Variants in GMIP observed in about 807,000 individuals in gnomAD.
GMIP encodes the protein GEM-interacting protein.
Under a neutral mutation model 105.3 loss-of-function variants are expected in GMIP, and 54 were observed. The observed-to-expected ratio is 0.51, with a 90% CI of 0.41 to 0.64. The LOEUF (loss-of-function observed/expected upper bound fraction) is 0.64, where lower values mean the gene tolerates loss of function less well. Among genes scored for constraint, GMIP ranks in the 30% least tolerant of loss-of-function variants. GMIP has a pLI of 0.00. For synonymous variants in GMIP, 541 were observed against 560.8 expected, an observed-to-expected ratio of 0.96 and a Z score of 0.50; for missense variants, 1,110 against 1,319.4, an observed-to-expected ratio of 0.84 and a Z score of 2.46.
At position 19,637,896 on chromosome 19, in the gene GMIP, G is replaced by T; in HGVS notation, c.927+24C>A. ...CGGGGCCCCAACGGGGTGAGGGGAG[G>T]ATGGCCTTGGGGATGGGCCTCACCC... On this transcript the variant is annotated intron_variant, in intron 10 of 20. Coordinates refer to ENST00000203556, the MANE Select transcript of GMIP (RefSeq NM_016573.4). This position sits in a 1 kb window ranked among gnomAD's most constrained non-coding sequence, Gnocchi z 6.7. The T allele has an allele frequency of 6.3e-7, 1 of 1,580,730 alleles. No individual in the cohort carries two copies. The highest frequency in any genetic ancestry group is 1.3e-5 in the African/African-American group (1 of 74,196).
Position 19,640,536 on chromosome 19 carries a change from C to A in GMIP, c.274G>T (p.Gly92Trp), listed in dbSNP as rs756172978. 6.2e-7 allele frequency: 1 copy of A among 1,613,990 alleles called. No homozygotes were observed. Among genetic ancestry groups the A allele is most frequent in the East Asian group, 2.2e-5 (1 of 44,854 alleles). The change falls in exon 5 of 21, where the codon GGG becomes TGG. Residue 92 changes from glycine (G) to tryptophan (W), a missense_variant. Physicochemically the swap from Gly to Trp is radical, Grantham distance 184. Around this residue, in one of 3 missense-constraint regions of GMIP, gnomAD observed 667 missense variants for 773.2 expected, o/e 0.86. Coordinates refer to ENST00000203556, the MANE Select transcript of GMIP (RefSeq NM_016573.4). ...TATTCCAGGGCTGCGTCCACACCCC[C>A]CTTTGTCCGAATGAGCCGCAAGTCC... ...ELDLRLIRTKGGVDAALEYAK... is the reference protein window; with the variant it reads ...ELDLRLIRTKWGVDAALEYAK...
chr19:19,642,708 A>T lies in GMIP; in HGVS notation c.20-89T>A, dbSNP rs562950400. 6 of 601,292 alleles carry T rather than the reference A, an allele frequency of 1.0e-5. No homozygotes were observed. The East Asian group carries it at 1.7e-4, about 17-fold the overall frequency. The allele number at this position is 601,292 out of a possible 1,614,324, so 37.2% of individuals were successfully genotyped here. A position where few individuals can be genotyped will look rare whatever the true frequency, so the allele number is the denominator to read the frequency against. ...CAGTCTCATTTGGAGGGGGTGGAAG[A>T]GAAAGGGAAGAGTGAGAGAGAGAAA... On this transcript the variant is annotated intron_variant, in intron 1 of 20. Coordinates refer to ENST00000203556, the MANE Select transcript of GMIP (RefSeq NM_016573.4).
Position 19,634,712 on chromosome 19 carries a change from G to A in GMIP, c.1888-9C>T, listed in dbSNP as rs1181234615. 1 of 1,608,448 alleles carries A rather than the reference G, an allele frequency of 6.2e-7. No individual in the cohort carries two copies. The highest frequency in any genetic ancestry group is 1.1e-5 in the South Asian group (1 of 90,874). On this transcript the variant is annotated splice_polypyrimidine_tract_variant and intron_variant, in intron 17 of 20. Coordinates refer to ENST00000203556, the MANE Select transcript of GMIP (RefSeq NM_016573.4). The surrounding 1 kb of genome is among the most constrained non-coding windows in gnomAD (Gnocchi z 6.1). ...ATCACGGGCTCGGTGAGCTGGGGGT[G>A]GAACGGAGGGCGCAACACGAGTGTG...
At chr19:19,631,016 C>T (rs2061789864) in intron 19 of GMIP, among the ~76,000 whole-genome samples, 1 of 151,810 alleles carries the variant, frequency 6.6e-6, no homozygotes, top group Admixed American at 6.6e-5. Context: ...GCCTGGCCAA[C>T]ATGGTGAAAC....
rs1196256004 is a variant in GMIP, at chr19:19,637,128, T to C, written c.1125-99A>G. On this transcript the variant is annotated intron_variant, in intron 11 of 20. Coordinates refer to ENST00000203556, the MANE Select transcript of GMIP (RefSeq NM_016573.4). The surrounding 1 kb of genome is among the most constrained non-coding windows in gnomAD (Gnocchi z 6.7). ...TAGGTACCAACTCCAAGCACTTGGG[T>C]CTGCAAACCCTGACACCCAGGGCAT... 1.3e-6 allele frequency: 1 copy of C among 794,178 alleles called. No individual in the cohort carries two copies. The highest frequency in any genetic ancestry group is 2.7e-5 in the East Asian group (1 of 37,262). 49.2% of individuals were successfully genotyped at this position (794,178 alleles called of 1,614,324 possible).
rs1253513877 is a variant in GMIP, at chr19:19,635,193, C to T, written c.1581G>A (p.Lys527=). The change falls in exon 16 of 21, where the codon AAG becomes AAA. Residue 527 remains lysine, a synonymous_variant. Transcript: ENST00000203556. This position sits in a 1 kb window ranked among gnomAD's most constrained non-coding sequence, Gnocchi z 4.7. ...GGATCAGGAGAGTCTCCAGGCAGCG[C>T]TTGTGGCAGGTCAGAAAGCACTGTG... is the stretch of plus-strand genomic sequence containing the variant. The part of the protein sequence containing the change: ...ECEECFLTCH[K]RCLETLLILC... 2 of 1,613,096 alleles carry T rather than the reference C, an allele frequency of 1.2e-6. No homozygotes were observed. Among genetic ancestry groups the T allele is most frequent in the Non-Finnish European group, 1.7e-6 (2 of 1,179,600 alleles).
chr19:19,635,601 GCCCTGCCCTGTCC>G lies in GMIP; in HGVS notation c.1405+30_1406-33del. 4 of 1,613,520 alleles carry G rather than the reference GCCCTGCCCTGTCC, an allele frequency of 2.5e-6. No homozygotes were observed. The highest frequency in any genetic ancestry group is 3.4e-6 in the Non-Finnish European group (4 of 1,179,482). On this transcript the variant is annotated intron_variant, in intron 14 of 20. Transcript: ENST00000203556. The surrounding 1 kb of genome is among the most constrained non-coding windows in gnomAD (Gnocchi z 4.7). Reference sequence around the variant, plus strand: ...GGAGACAGGGTCAGGAGTGCCTGGTGCCCTGCCCTGTCCCATCCTGACCTACCCTGCTTCAGCC... The same window carrying G: ...GGAGACAGGGTCAGGAGTGCCTGGTGCATCCTGACCTACCCTGCTTCAGCC...
intron 2 of GMIP, 28 bp from the exon 3 acceptor site, chr19:19,642,079 C>A: frequency 6.6e-7 from 1 of 1,504,888 alleles, no homozygotes; most frequent in African/African-American, 1.4e-5. Context: ...GTCAGGATGC[C>A]ACCTTACACC....
At chr19:19,639,019 G>A (rs183456993) in intron 7 of GMIP, among the ~76,000 whole-genome samples, 2 of 151,866 alleles carry the variant, frequency 1.3e-5, no homozygotes, top group African/African-American at 4.8e-5. Context: ...GGCAGAGGTT[G>A]CAGTGAGCTG....
Position 19,635,813 on chromosome 19 carries a change from GTC to G in GMIP, c.1328-94_1328-93del. ...AGAACCACCCACTAATTCCCAAGGG[GTC>G]AGAGGTCAGGAGGGGGATTGGACAG... is the stretch of plus-strand genomic sequence containing the variant. On this transcript the variant is annotated intron_variant, in intron 13 of 20. Transcript: ENST00000203556. This position sits in a 1 kb window ranked among gnomAD's most constrained non-coding sequence, Gnocchi z 4.7. 9.7e-7 allele frequency: 1 copy of G among 1,030,706 alleles called. No individual in the cohort carries two copies. The highest frequency in any genetic ancestry group is 1.5e-6 in the Non-Finnish European group (1 of 658,302). 63.8% of individuals were successfully genotyped at this position (1,030,706 alleles called of 1,614,324 possible).
rs749388913 is a variant in GMIP, at chr19:19,633,919, G to A, written c.2356C>T (p.Pro786Ser). Residue 786 changes from proline to serine, a missense_variant, in exon 19 of 21, where the codon CCG becomes TCG. This residue lies in a region of GMIP where 394 missense variants were observed against 450.5 expected (regional missense o/e 0.87). Coordinates refer to ENST00000203556, the MANE Select transcript of GMIP (RefSeq NM_016573.4). Reference sequence around the variant, plus strand: ...TCTGGGTCAAGGTGCGGGGGTGGCGGTTGGGAGCTGGTTGTGAGGGGCCCA... The same window carrying A: ...TCTGGGTCAAGGTGCGGGGGTGGCGATTGGGAGCTGGTTGTGAGGGGCCCA... ...APGPLTTSSQ[P>S]PPPHLDPDSQ... 5.8e-6 allele frequency: 9 copies of A among 1,542,846 alleles called. No individual in the cohort carries two copies. In the African/African-American group the frequency reaches 1.2e-4, roughly 21 times the overall value.
intron 2 of GMIP, 150 bp downstream of exon 2, chr19:19,642,385 C>G: frequency 1.6e-6 from 1 of 637,804 alleles, no homozygotes; most frequent in South Asian, 1.9e-5. Flanking sequence ...GATACCGAGG[C>G]ATTTTGGAGG....
rs1488762000 is a variant in GMIP at position 19,630,903 on chromosome 19, T to TC, written c.2473-367_2473-366insG. Among the ~76,000 whole-genome samples the TC allele has an allele frequency of 6.6e-6, 1 of 152,126 alleles. No individual in the cohort carries two copies. The highest frequency in any genetic ancestry group is 1.9e-4 in the East Asian group (1 of 5,192). On this transcript the variant is annotated intron_variant, in intron 19 of 20. Coordinates refer to ENST00000203556, the MANE Select transcript of GMIP (RefSeq NM_016573.4). The surrounding 1 kb of genome is among the most constrained non-coding windows in gnomAD (Gnocchi z 4.8). ...GGTGTTTGGGGATAGACGATGCCCT[T>TC]ATAAGTGTACTGCTTGGCCAGGCAT...
chr19:19,636,479 C>T (rs1420193875), intron 13 of GMIP, among the ~76,000 whole-genome samples: 1 of 151,986 alleles, frequency 6.6e-6, no homozygotes, highest in Non-Finnish European at 1.5e-5. Flanking sequence ...GCCGAGATCA[C>T]GCCACTGCAC....
intron 19 of GMIP, 60 bp downstream of exon 19, chr19:19,633,743 G>A: frequency 8.4e-7 from 1 of 1,195,890 alleles, no homozygotes; most frequent in Non-Finnish European, 1.1e-6. Flanking sequence ...GAAAGAGAAG[G>A]TAAGAGAATT....
rs768598963 is a variant in GMIP, at chr19:19,638,498, G to C, written c.538-16C>G. The C allele has an allele frequency of 6.2e-7, 1 of 1,610,824 alleles. No homozygotes were observed. The highest frequency in any genetic ancestry group is 1.1e-5 in the South Asian group (1 of 90,802). On this transcript the variant is annotated splice_polypyrimidine_tract_variant and intron_variant, in intron 7 of 20. Transcript: ENST00000203556. The stretch of plus-strand genomic sequence containing the variant: ...CGGCGAGGGGCTGGCAAGGGTTGGG[G>C]ATGGGGATGGAGACGCTGCCTTAGG...
At position 19,634,144 on chromosome 19, in the gene GMIP, C is replaced by T. The variant is rs1381366262; in HGVS notation, c.2131G>A (p.Gly711Ser). 4 of 1,608,976 alleles carry T rather than the reference C, an allele frequency of 2.5e-6. No individual in the cohort carries two copies. Among genetic ancestry groups the T allele is most frequent in the East Asian group, 2.2e-5 (1 of 44,750 alleles). The change falls in exon 19 of 21, where the codon GGC (glycine) becomes AGC (serine). Residue 711 changes from glycine (G) to serine (S), a missense_variant. Transcript: ENST00000203556. This position sits in a 1 kb window ranked among gnomAD's most constrained non-coding sequence, Gnocchi z 6.1. ...AGCAGTGTCGGCCCAAACACAATGC[C>T]CAGGTTGTTGGCAGACATCTTGTTT... ...MENKMSANNL[G>S]IVFGPTLLRP...
Position 19,630,634 on chromosome 19 carries a change from G to T in GMIP, c.2473-97C>A. ...GGGCTTGTTCCTGGACATGCAAAAG[G>T]AATAGCCAGTGCAAAGGCCCTGAGG... On this transcript the variant is annotated intron_variant, in intron 19 of 20. Transcript: ENST00000203556. The surrounding 1 kb of genome is among the most constrained non-coding windows in gnomAD (Gnocchi z 4.8). 2.8e-6 allele frequency: 3 copies of T among 1,083,418 alleles called. No homozygotes were observed. The highest frequency in any genetic ancestry group is 4.3e-6 in the Non-Finnish European group (3 of 703,938). The allele number at this position is 1,083,418 out of a possible 1,614,324, so 67.1% of individuals were successfully genotyped here.
rs556572702 is a variant in GMIP at position 19,637,670 on chromosome 19, C to A, written c.928-109G>T. On this transcript the variant is annotated intron_variant, in intron 10 of 20. Transcript: ENST00000203556. This position sits in a 1 kb window ranked among gnomAD's most constrained non-coding sequence, Gnocchi z 6.7. ...ACGCGAACGTGGTCAGGGTTTGGGA[C>A]GCACCTGGGCGGCTTAGGAACTAGG... The A allele has an allele frequency of 2.1e-6, 2 of 959,872 alleles. No individual in the cohort carries two copies. Among genetic ancestry groups the A allele is most frequent in the Non-Finnish European group, 3.0e-6 (2 of 674,530 alleles). The allele number at this position is 959,872 out of a possible 1,614,324, so 59.5% of individuals were successfully genotyped here. A position where few individuals can be genotyped will look rare whatever the true frequency, so the allele number is the denominator to read the frequency against.
Sources: gnomAD v4.1 joint callset for allele counts (sites outside exome capture counted in the v4.1 genomes callset) on GRCh38, gnomAD v4.1.1 for gene constraint, gnomAD v4.1.1 regional missense constraint, Gnocchi (gnomAD v3.1) non-coding constraint, MANE v1.5 for transcripts, NCBI Gene and HGNC (gene_info 2026-07-23, HGNC 2026-07-21) for gene names.